Variants in KANSL3 observed in about 807,000 individuals in gnomAD.
The protein encoded by KANSL3 is KAT8 regulatory NSL complex subunit 3.
In KANSL3, 16 loss-of-function variants were observed where a neutral mutation model predicts 89.2. The observed-to-expected ratio is 0.18, with a 90% CI of 0.12 to 0.27. The LOEUF is 0.27. KANSL3 is among the 10% of genes least tolerant of loss of function. KANSL3 has a pLI of 1.00. For synonymous variants in KANSL3, 385 were observed against 419.7 expected, an observed-to-expected ratio of 0.92 and a Z score of 1.01; for missense variants, 879 against 1,110.6, an observed-to-expected ratio of 0.79 and a Z score of 2.96.
intron 9 of KANSL3, among the ~76,000 whole-genome samples, chr2:96,611,900 C>CGTGTGTGTGTGTGTGTGT (rs1558703636): frequency 1.0e-4 from 8 of 79,570 alleles, no homozygotes; most frequent in African/African-American, 7.7e-4. Context: ...GATATATACC[C>CGTGTGTGTGTGTGTGTGT]ATATGTGTGT....
intron 3 of KANSL3, among the ~76,000 whole-genome samples, chr2:96,627,074 C>T (rs980103640): frequency 1.3e-4 from 20 of 152,208 alleles, no homozygotes; most frequent in African/African-American, 4.8e-4. Flanking sequence ...AAGCAATGGG[C>T]CAAATTTAAA....
chr2:96,630,220 C>A (rs1400419018), intron 3 of KANSL3, among the ~76,000 whole-genome samples: 2 of 152,128 alleles, frequency 1.3e-5, no homozygotes, highest in African/African-American at 2.4e-5. Flanking sequence ...AACTTGTATG[C>A]AAATGTTCAT....
intron 3 of KANSL3, among the ~76,000 whole-genome samples, chr2:96,624,311 A>G (rs1455382494): frequency 6.6e-6 from 1 of 152,198 alleles, no homozygotes; most frequent in Non-Finnish European, 1.5e-5. Flanking sequence ...GTAGGAGGAG[A>G]CAGAGGATGC....
chr2:96,629,933 A>G (rs1346918862), intron 3 of KANSL3, among the ~76,000 whole-genome samples: 1 of 152,242 alleles, frequency 6.6e-6, no homozygotes, highest in Non-Finnish European at 1.5e-5. Context: ...ACAAAAAGCC[A>G]TCAACAAAAT....
At chr2:96,625,851 G>A (rs1266258365) in intron 3 of KANSL3, among the ~76,000 whole-genome samples, 2 of 152,160 alleles carry the variant, frequency 1.3e-5, no homozygotes, top group Admixed American at 1.3e-4. Flanking sequence ...TAAAGAGCAT[G>A]CAAGAGATAT....
the KANSL3 span, among the ~76,000 whole-genome samples, chr2:96,581,601 A>G: frequency 2.0e-5 from 3 of 151,982 alleles, no homozygotes; most frequent in Non-Finnish European, 2.9e-5. Flanking sequence ...CCTCATATTG[A>G]TATTTAGAAT....
the KANSL3 span, among the ~76,000 whole-genome samples, chr2:96,581,285 G>T: frequency 6.6e-6 from 1 of 152,106 alleles, no homozygotes; most frequent in Non-Finnish European, 1.5e-5. Context: ...TTAGCCAGGC[G>T]TGGTGGCACA....
At chr2:96,599,354 A>G (rs2104918119) in intron 20 of KANSL3, among the ~76,000 whole-genome samples, 1 of 152,372 alleles carries the variant, frequency 6.6e-6, no homozygotes, top group East Asian at 1.9e-4. Context: ...TGGCTGTACC[A>G]CAATGTGAAT....
chr2:96,627,840 G>T, intron 3 of KANSL3: 1 of 1,106,778 alleles, frequency 9.0e-7, no homozygotes, highest in Non-Finnish European at 1.2e-6. Flanking sequence ...TCAGGGACAG[G>T]GTCATAAAAT....
intron 5 of KANSL3, among the ~76,000 whole-genome samples, chr2:96,614,117 A>T (rs2069509910): frequency 6.6e-6 from 1 of 152,240 alleles, no homozygotes; most frequent in Non-Finnish European, 1.5e-5. Flanking sequence ...ATTGAGACAA[A>T]GTCTCGCTCT....
At chr2:96,634,093 T>C (rs2073902716) in intron 2 of KANSL3, 1 of 152,230 alleles carries the variant, frequency 6.6e-6, no homozygotes, top group African/African-American at 2.4e-5. Context: ...TACTGTAAAG[T>C]CTATGATTTC....
chr2:96,621,514 GAAA>G (rs766616219), intron 3 of KANSL3, among the ~76,000 whole-genome samples: 1 of 136,716 alleles, frequency 7.3e-6, no homozygotes. Context: ...ACTCTGTCTT[GAAA>G]AAAAAAAAAA....
intron 2 of KANSL3, among the ~76,000 whole-genome samples, chr2:96,633,402 T>C (rs1455095813): frequency 6.6e-5 from 10 of 151,814 alleles, no homozygotes; most frequent in Non-Finnish European, 4.4e-5. Context: ...AAACCCCATC[T>C]CTACTTAAAA....
At chr2:96,609,980 AGC>A (rs2068637694) in intron 11 of KANSL3, among the ~76,000 whole-genome samples, 2 of 147,526 alleles carry the variant, frequency 1.4e-5, no homozygotes, top group East Asian at 2.0e-4. Context: ...AAAAAAAAAA[AGC>A]TCAAGGTCGT....
At position 96,636,959 on chromosome 2, in the gene KANSL3, C is replaced by G; in HGVS notation, c.177G>C (p.Met59Ile). 1 of 1,548,124 alleles carries G rather than the reference C, an allele frequency of 6.5e-7. No homozygotes were observed. The highest frequency in any genetic ancestry group is 8.7e-7 in the Non-Finnish European group (1 of 1,145,070). ...PDASSARPTRMLFVTPRRQHE... is the reference protein window; with the variant it reads ...PDASSARPTRILFVTPRRQHE... Reference sequence around the variant, plus strand: ...GCTGCCGCCGGGGAGTGACAAAGAGCATGCGGGTGGGGCGGGCACTACTGG... The same window carrying G: ...GCTGCCGCCGGGGAGTGACAAAGAGGATGCGGGTGGGGCGGGCACTACTGG... Residue 59 changes from methionine (M) to isoleucine (I), a missense_variant, in exon 2 of 21, where the codon ATG (methionine) becomes ATC (isoleucine). Physicochemically the swap from Met to Ile is conservative, Grantham distance 10 (BLOSUM62 1). Around this residue, in one of 6 missense-constraint regions of KANSL3, gnomAD observed 210 missense variants for 311.9 expected, o/e 0.67. Transcript: ENST00000431828.
At chr2:96,597,401 T>G (rs1027749690) in intron 20 of KANSL3, among the ~76,000 whole-genome samples, 4 of 152,144 alleles carry the variant, frequency 2.6e-5, no homozygotes, top group African/African-American at 7.2e-5. Context: ...CCCAGAAGGA[T>G]AGGTGATTTG....
chr2:96,608,736 T>G lies in KANSL3; in HGVS notation c.1585-72A>C. 3.8e-6 allele frequency: 6 copies of G among 1,596,080 alleles called. No individual in the cohort carries two copies. The South Asian group carries it at 6.7e-5, about 18-fold the overall frequency. ...CTGACCATGAGTCAGCATGTCCCTC[T>G]GGAATTCCCCTTGTAGGAACTCACA... On this transcript the variant is annotated intron_variant, in intron 13 of 20. Transcript: ENST00000431828.
rs1260669358 is a variant in KANSL3, at chr2:96,610,760, A to G, written c.1285T>C (p.Leu429=). 6.2e-7 allele frequency: 1 copy of G among 1,613,920 alleles called. No individual in the cohort carries two copies. Among genetic ancestry groups the G allele is most frequent in the East Asian group, 2.2e-5 (1 of 44,890 alleles). The part of the protein sequence containing the change: ...FREKIRAENS[L]VVVGGADDNL... The stretch of plus-strand genomic sequence containing the variant: ...TCATCAGCTCCCCCAACCACCACCA[A>G]GCTGTTCTCAGCTCGAATCTTCTCC... The change falls in exon 11 of 21, where the codon TTG becomes CTG. Residue 429 remains leucine, a synonymous_variant. Transcript: ENST00000431828.
rs1399202405 is a variant in KANSL3 at position 96,637,130 on chromosome 2, G to C, written c.6C>G (p.Ala2=). 6.4e-7 allele frequency: 1 copy of C among 1,550,672 alleles called. No homozygotes were observed. The highest frequency in any genetic ancestry group is 1.2e-5 in the South Asian group (1 of 84,004). Residue 2 remains alanine, a synonymous_variant, in exon 2 of 21, where the codon GCC becomes GCG. Transcript: ENST00000431828. ...GGAAGTCCCTCTCCCCACCCCGGTG[G>C]GCCATGTCAGTGGAGGGGCAGAAAG... The part of the protein sequence containing the change: M[A]HRGGERDFQT...
Sources: allele counts gnomAD v4.1 joint callset (sites outside exome capture counted in the v4.1 genomes callset), GRCh38; gene constraint gnomAD v4.1.1; regional missense constraint gnomAD v4.1.1; transcripts MANE v1.5; gene names NCBI Gene and HGNC (gene_info 2026-07-23, HGNC 2026-07-21).